The following CDH8 variants were observed in gnomAD, a reference collection of about 807,000 sequenced individuals.
CDH8 encodes the protein cadherin 8.
Under a neutral mutation model 68.1 loss-of-function variants are expected in CDH8, and 17 were observed. That is an observed-to-expected ratio of 0.25 (90% CI 0.17 to 0.37). The LOEUF is 0.37. Among genes scored for constraint, CDH8 ranks in the 10% least tolerant of loss-of-function variants. The pLI is 1.00. For synonymous variants in CDH8, 372 were observed against 365.1 expected, an observed-to-expected ratio of 1.02 and a Z score of -0.21; for missense variants, 763 against 999.3, an observed-to-expected ratio of 0.76 and a Z score of 3.19.
intron 10 of CDH8, among the ~76,000 whole-genome samples, chr16:61,672,129 T>A (rs1168959244): frequency 6.6e-6 from 1 of 152,068 alleles, no homozygotes; most frequent in Non-Finnish European, 1.5e-5. Flanking sequence ...AAGCTTGCCA[T>A]CCCTAGTTGA....
chr16:61,662,564 T>C (rs913695432), intron 10 of CDH8, among the ~76,000 whole-genome samples: 1 of 151,816 alleles, frequency 6.6e-6, no homozygotes, highest in African/African-American at 2.4e-5. Flanking sequence ...ACAAGATCAA[T>C]TTAAGAAATG....
intron 11 of CDH8, among the ~76,000 whole-genome samples, chr16:61,654,790 G>A (rs1963403948): frequency 6.6e-6 from 1 of 152,150 alleles, no homozygotes; most frequent in African/African-American, 2.4e-5. Context: ...GATGGAACAA[G>A]AAAGACAGTA....
chr16:61,977,083 AAAAT>A (rs768923429), intron 2 of CDH8, among the ~76,000 whole-genome samples: 1 of 152,184 alleles, frequency 6.6e-6, no homozygotes, highest in Non-Finnish European at 1.5e-5. Flanking sequence ...CATCTGTCAA[AAAAT>A]AAATAAACTC....
intron 3 of CDH8, 22 bp downstream of exon 3, chr16:61,901,157 G>A (rs1963962924): frequency 6.2e-7 from 1 of 1,600,354 alleles, no homozygotes; most frequent in African/African-American, 1.3e-5. Flanking sequence ...TAATAGATCT[G>A]TGAAATTGGA....
chr16:61,759,735 GTTT>G (rs1321567824), intron 8 of CDH8, among the ~76,000 whole-genome samples: 1 of 152,088 alleles, frequency 6.6e-6, no homozygotes, highest in Non-Finnish European at 1.5e-5. Context: ...ATCTCAGAGT[GTTT>G]TTAGTAGGAA....
intron 10 of CDH8, among the ~76,000 whole-genome samples, chr16:61,680,157 C>T (rs898042872): frequency 1.3e-5 from 2 of 151,942 alleles, no homozygotes; most frequent in South Asian, 4.1e-4. Context: ...ATCCTGAGAT[C>T]TGTTTTAAAC....
intron 3 of CDH8, among the ~76,000 whole-genome samples, chr16:61,894,671 T>A (rs925594829): frequency 6.6e-6 from 1 of 152,158 alleles, no homozygotes; most frequent in African/African-American, 2.4e-5. Context: ...GTGTTTTCTA[T>A]GAGCATTCCT....
chr16:61,908,015 C>T (rs1331336569), intron 2 of CDH8, among the ~76,000 whole-genome samples: 4 of 143,138 alleles, frequency 2.8e-5, no homozygotes, highest in African/African-American at 1.1e-4. Context: ...TGCACTCCAG[C>T]CTGCGCGACA....
At chr16:61,810,304 CT>C (rs1460370928) in intron 7 of CDH8, among the ~76,000 whole-genome samples, 2 of 152,162 alleles carry the variant, frequency 1.3e-5, no homozygotes, top group Non-Finnish European at 2.9e-5. Context: ...AAGTTTTCAG[CT>C]TTTTGCCTCT....
chr16:61,664,613 A>C lies in CDH8; in HGVS notation c.1655-8892T>G, dbSNP rs188087148. Among the ~76,000 whole-genome samples, 16 of 152,086 alleles carry C rather than the reference A, an allele frequency of 1.1e-4. No homozygotes were observed. In the East Asian group the frequency reaches 3.1e-3, roughly 30 times the overall value. ...GTATGAAAATTTAAGAGAAATATTG[A>C]TGGTTTCCAAGCCTTTCTCTGGGCA... On this transcript the variant is annotated intron_variant, in intron 10 of 11. Transcript: ENST00000577390.
intron 2 of CDH8, among the ~76,000 whole-genome samples, chr16:61,917,687 A>G (rs1964266034): frequency 6.6e-6 from 1 of 152,184 alleles, no homozygotes; most frequent in African/African-American, 2.4e-5. Context: ...GACTCAGGCA[A>G]GGAGTAAAAG....
rs752430308 is a variant in CDH8 at position 61,653,919 on chromosome 16, G to A, written c.2089C>T (p.Arg697Cys). Residue 697 changes from arginine (R) to cysteine (C), a missense_variant, in exon 12 of 12, where the codon CGT becomes TGT. Physicochemically the swap from Arg to Cys is radical, Grantham distance 180. Around this residue, in one of 2 missense-constraint regions of CDH8, gnomAD observed 397 missense variants for 436.2 expected, o/e 0.91. Transcript: ENST00000577390. ...NPDGINGFLP[R>C]KDIKPDLQFM... ...TGCAAATCTGGTTTAATATCCTTAC[G>A]GGGTAAAAATCCATTAATTCCATCT... 3.1e-6 allele frequency: 5 copies of A among 1,613,994 alleles called. No individual in the cohort carries two copies. Among genetic ancestry groups the A allele is most frequent in the African/African-American group, 1.3e-5 (1 of 74,902 alleles).
intron 2 of CDH8, among the ~76,000 whole-genome samples, chr16:61,974,537 G>A (rs2150578917): frequency 6.6e-6 from 1 of 152,262 alleles, no homozygotes; most frequent in South Asian, 2.1e-4. Flanking sequence ...CACTGTTATT[G>A]TTGGTATCAC....
rs13330135 is a variant in CDH8 at position 61,978,126 on chromosome 16, A to G, written c.252+43026T>C. On this transcript the variant is annotated intron_variant, in intron 2 of 11. Coordinates refer to ENST00000577390, the MANE Select transcript of CDH8 (RefSeq NM_001796.5). ...AGCCATACTATCTTTGCCTACTCCA[A>G]CATTTTCTTCTGCTCTGCTATTAAA... 6.7e-3 allele frequency among the ~76,000 whole-genome samples: 1,021 copies of G among 152,254 alleles called. 14 individuals carry two copies. Among genetic ancestry groups the G allele is most frequent in the African/African-American group, 0.023 (956 of 41,538 alleles).
At chr16:61,790,205 C>A (rs1248999484) in intron 7 of CDH8, among the ~76,000 whole-genome samples, 1 of 152,058 alleles carries the variant, frequency 6.6e-6, no homozygotes, top group South Asian at 2.1e-4. Flanking sequence ...CAAGCAAACT[C>A]GTTCAGATAA....
At chr16:61,976,258 A>C (rs1965432552) in intron 2 of CDH8, among the ~76,000 whole-genome samples, 1 of 152,234 alleles carries the variant, frequency 6.6e-6, no homozygotes, top group Non-Finnish European at 1.5e-5. Flanking sequence ...CAAAGCAGAA[A>C]TGAAAAACAT....
chr16:61,960,157 G>A (rs1391061775), intron 2 of CDH8, among the ~76,000 whole-genome samples: 1 of 141,380 alleles, frequency 7.1e-6, no homozygotes, highest in East Asian at 2.2e-4. Context: ...ACATATGTGT[G>A]TGTGTATACA....
chr16:61,709,317 C>T (rs1013426232), intron 10 of CDH8, among the ~76,000 whole-genome samples: 1 of 152,008 alleles, frequency 6.6e-6, no homozygotes, highest in African/African-American at 2.4e-5. Context: ...CTAGGTATAC[C>T]TGGCTTAAGG....
At chr16:62,003,087 T>C (rs1965919467) in intron 2 of CDH8, among the ~76,000 whole-genome samples, 1 of 152,070 alleles carries the variant, frequency 6.6e-6, no homozygotes, top group African/African-American at 2.4e-5. Flanking sequence ...CACATAATCA[T>C]CCCTTCGTAC....
Sources: gnomAD v4.1 joint callset for allele counts (sites outside exome capture counted in the v4.1 genomes callset) on GRCh38, gnomAD v4.1.1 for gene constraint, gnomAD v4.1.1 regional missense constraint, MANE v1.5 for transcripts, NCBI Gene and HGNC (gene_info 2026-07-23, HGNC 2026-07-21) for gene names.